Variants in ECE2 observed in about 807,000 individuals in gnomAD.
The protein encoded by ECE2 is endothelin-converting enzyme 2.
Under a neutral mutation model 100.6 loss-of-function variants are expected in ECE2, and 81 were observed. The ratio of observed to expected loss-of-function variants is 0.81; its 90% CI spans 0.67 to 0.97. The LOEUF is 0.97. Among genes scored for constraint, ECE2 ranks in the 50% least tolerant of loss-of-function variants. ECE2 has a pLI of 0.00. For missense variants in ECE2, 911 were observed against 988.1 expected, an observed-to-expected ratio of 0.92 and a Z score of 1.05; for synonymous variants, 391 against 391.5, an observed-to-expected ratio of 1.00 and a Z score of 0.02.
At position 184,291,078 on chromosome 3, in the gene ECE2, T is replaced by C; in HGVS notation, c.1873T>C (p.Trp625Arg). The change falls in exon 17 of 19, where the codon TGG becomes CGG. Residue 625 changes from tryptophan to arginine, a missense_variant. Physicochemically the swap from Trp to Arg is moderately radical, Grantham distance 101 (BLOSUM62 -3). Transcript: ENST00000404464. This position sits in a 1 kb window ranked among gnomAD's most constrained non-coding sequence, Gnocchi z 4.1. Reference sequence around the variant, plus strand: ...CAAAGAAGGGAACCTGCGGCCCTGGTGGCAGAATGAGTCCCTGGCAGCCTT... The same window carrying C: ...CAAAGAAGGGAACCTGCGGCCCTGGCGGCAGAATGAGTCCCTGGCAGCCTT... ...YDKEGNLRPW[W>R]QNESLAAFRN... is the part of the protein sequence containing the mutation. The C allele has an allele frequency of 6.3e-7, 1 of 1,587,202 alleles. No homozygotes were observed. Among genetic ancestry groups the C allele is most frequent in the African/African-American group, 1.3e-5 (1 of 74,244 alleles).
chr3:184,292,097 C>T lies in ECE2; in HGVS notation c.2157C>T (p.His719=), dbSNP rs374777779. The T allele has an allele frequency of 4.3e-6, 7 of 1,613,876 alleles. No homozygotes were observed. The highest frequency in any genetic ancestry group is 1.6e-4 in the Middle Eastern group (1 of 6,084). Residue 719 remains histidine (H), a synonymous_variant, in exon 19 of 19, where the codon CAC becomes CAT. Transcript: ENST00000404464. ...WCSVRTPESS[H]EGLVTDPHSP... is the part of the protein sequence containing the mutation. The stretch of plus-strand genomic sequence containing the variant: ...CGGTCCGCACACCAGAGAGCTCTCA[C>T]GAGGGGCTGGTGACCGACCCCCACA...
intron 2 of ECE2, 99 bp from the exon 3 acceptor site, chr3:184,276,793 A>G: frequency 1.3e-6 from 2 of 1,575,954 alleles, no homozygotes; most frequent in Non-Finnish European, 1.7e-6. Context: ...GCCCAGAGTT[A>G]ACCCTGTGGC....
intron 10 of ECE2, 98 bp downstream of exon 10, chr3:184,285,690 G>A (rs1721010936): frequency 3.3e-6 from 3 of 897,464 alleles, no homozygotes; most frequent in Non-Finnish European, 5.4e-6. Context: ...GTGCACAGGT[G>A]CATAGTATGG....
At chr3:184,284,061 C>T in intron 8 of ECE2, 88 bp downstream of exon 8, 1 of 1,482,158 alleles carries the variant, frequency 6.7e-7, no homozygotes, top group Admixed American at 1.9e-5. Context: ...CTCCCCAAGG[C>T]AGCCAGTCCT....
At position 184,289,801 on chromosome 3, in the gene ECE2, C is replaced by G; in HGVS notation, c.1551+83C>G. The G allele has an allele frequency of 1.6e-6, 2 of 1,266,228 alleles. No homozygotes were observed. The highest frequency in any genetic ancestry group is 2.2e-6 in the Non-Finnish European group (2 of 913,004). The allele number at this position is 1,266,228 out of a possible 1,614,324, so 78.4% of individuals were successfully genotyped here. A position where few individuals can be genotyped will look rare whatever the true frequency, so the allele number is the denominator to read the frequency against. On this transcript the variant is annotated intron_variant, in intron 13 of 18. Transcript: ENST00000404464. The surrounding 1 kb of genome is among the most constrained non-coding windows in gnomAD (Gnocchi z 4.1). Reference sequence around the variant, plus strand: ...GGGCTTAGAAATTGGGGCTCAAGCACTGGGAAAGAGGTGCTTGTCGGTTTC... The same window carrying G: ...GGGCTTAGAAATTGGGGCTCAAGCAGTGGGAAAGAGGTGCTTGTCGGTTTC...
rs780921573 is a variant in ECE2, at chr3:184,278,058, A to G, written c.603+9A>G. 8 of 1,613,982 alleles carry G rather than the reference A, an allele frequency of 5.0e-6. No homozygotes were observed. The highest frequency in any genetic ancestry group is 6.8e-6 in the Non-Finnish European group (8 of 1,179,988). On this transcript the variant is annotated intron_variant, in intron 5 of 18. Transcript: ENST00000404464. ...GAGACCTCATTGAGAAGGTAGGGCCACTGAGCCGGTTGAGGGCAGGGGAGC... is the reference window on the plus strand; with the variant it reads ...GAGACCTCATTGAGAAGGTAGGGCCGCTGAGCCGGTTGAGGGCAGGGGAGC...
chr3:184,287,449 T>C (rs1001962919), intron 10 of ECE2, among the ~76,000 whole-genome samples: 1 of 152,080 alleles, frequency 6.6e-6, no homozygotes, highest in Admixed American at 6.5e-5. Flanking sequence ...CCCAGCACTT[T>C]GGGAGGCCAA....
At chr3:184,278,132 C>G (rs943698665) in intron 5 of ECE2, 35 bp from the exon 6 acceptor site, 2 of 1,613,524 alleles carry the variant, frequency 1.2e-6, no homozygotes, top group African/African-American at 2.7e-5. Context: ...TTGGGAGCTC[C>G]TGCACTAATC....
intron 10 of ECE2, among the ~76,000 whole-genome samples, chr3:184,287,602 G>A (rs557746440): frequency 6.6e-6 from 1 of 152,258 alleles, no homozygotes; most frequent in Admixed American, 6.5e-5. Context: ...GGCTGAGGTG[G>A]GAGGATCGCT....
intron 7 of ECE2, among the ~76,000 whole-genome samples, chr3:184,280,172 AG>A (rs1452643337): frequency 6.6e-6 from 1 of 152,216 alleles, no homozygotes; most frequent in East Asian, 1.9e-4. Context: ...AGGAAGAACC[AG>A]CTTAGGGTAC....
At chr3:184,284,820 G>C in intron 8 of ECE2, 143 bp from the exon 9 acceptor site, 1 of 1,090,042 alleles carries the variant, frequency 9.2e-7, no homozygotes, top group African/African-American at 1.6e-5. Context: ...CCTGGAAAAG[G>C]GTATATTACA....
chr3:184,290,668 G>T lies in ECE2; in HGVS notation c.1766+1G>T, dbSNP rs146755952. 16 of 1,613,852 alleles carry T rather than the reference G, an allele frequency of 9.9e-6. No individual in the cohort carries two copies. The highest frequency in any genetic ancestry group is 1.3e-5 in the African/African-American group (1 of 74,938). On this transcript the variant is annotated splice_donor_variant, in intron 15 of 18. Coordinates refer to ENST00000404464, the MANE Select transcript of ECE2 (RefSeq NM_001100121.2). LOFTEE classifies it high-confidence loss of function. The stretch of plus-strand genomic sequence containing the variant: ...CCTTCTATGCCCGCAACCACCCCAA[G>T]TGTGTCTGAAGCAGGAGGGGCTGGG...
At chr3:184,288,902 A>G (rs1295405674) in intron 11 of ECE2, among the ~76,000 whole-genome samples, 1 of 152,196 alleles carries the variant, frequency 6.6e-6, no homozygotes, top group Non-Finnish European at 1.5e-5. Context: ...CACGCTTGTA[A>G]TCCCAGCACT....
In ECE2 at chr3:184,292,361, C is replaced by T; in HGVS notation, c.*123C>T. The T allele has an allele frequency of 8.8e-7, 1 of 1,139,054 alleles. No individual in the cohort carries two copies. The highest frequency in any genetic ancestry group is 2.3e-5 in the Admixed American group (1 of 44,226). 70.6% of individuals were successfully genotyped at this position (1,139,054 alleles called of 1,614,324 possible). A position where few individuals can be genotyped will look rare whatever the true frequency, so the allele number is the denominator to read the frequency against. On this transcript the variant is annotated 3_prime_UTR_variant, in exon 19 of 19. Transcript: ENST00000404464. Reference sequence around the variant, plus strand: ...CTGGGCTGGGTCTAGTCCCTCCCCCCCACAGGTGACATGAGTACAGACCCT... The same window carrying T: ...CTGGGCTGGGTCTAGTCCCTCCCCCTCACAGGTGACATGAGTACAGACCCT...
In ECE2 at chr3:184,291,154, A is replaced by G; in HGVS notation, c.1949A>G (p.Asn650Ser). The change falls in exon 17 of 19, where the codon AAT becomes AGT. Residue 650 changes from asparagine (N) to serine (S), a missense_variant. Physicochemically the swap from Asn to Ser is conservative, Grantham distance 46. Transcript: ENST00000404464. The surrounding 1 kb of genome is among the most constrained non-coding windows in gnomAD (Gnocchi z 4.1). ...MEEQYNQYQV[N>S]GERLNGRQTL... Reference sequence around the variant, plus strand: ...GAACAGTACAATCAATACCAGGTCAATGGGGAGAGGCTCAACGGCCGCCAG... The same window carrying G: ...GAACAGTACAATCAATACCAGGTCAGTGGGGAGAGGCTCAACGGCCGCCAG... 6.2e-7 allele frequency: 1 copy of G among 1,613,936 alleles called. No homozygotes were observed. Among genetic ancestry groups the G allele is most frequent in the African/African-American group, 1.3e-5 (1 of 75,048 alleles).
chr3:184,287,805 C>T (rs1721122817), intron 10 of ECE2, 32 bp from the exon 11 acceptor site: 1 of 1,586,702 alleles, frequency 6.3e-7, no homozygotes, highest in Non-Finnish European at 8.7e-7. Context: ...ACACAGCCAT[C>T]TCTAGGGTCC....
intron 10 of ECE2, among the ~76,000 whole-genome samples, chr3:184,287,587 C>T (rs1007864215): frequency 6.6e-6 from 1 of 152,018 alleles, no homozygotes; most frequent in Non-Finnish European, 1.5e-5. Context: ...CCCAGCTATT[C>T]GAGAGGCTGA....
intron 11 of ECE2, 64 bp downstream of exon 11, chr3:184,288,011 A>G (rs1368365007): frequency 1.3e-6 from 2 of 1,505,782 alleles, no homozygotes; most frequent in South Asian, 1.1e-5. Context: ...ATGTGCAGAC[A>G]TATAGAAAAA....
chr3:184,276,330 G>C, intron 1 of ECE2, 138 bp downstream of exon 1: 3 of 1,383,700 alleles, frequency 2.2e-6, no homozygotes, highest in Non-Finnish European at 2.9e-6. Flanking sequence ...GGGTGATAGA[G>C]AGACCCCGGG....
Sources: allele counts gnomAD v4.1 joint callset (sites outside exome capture counted in the v4.1 genomes callset), GRCh38; gene constraint gnomAD v4.1.1; non-coding constraint Gnocchi (gnomAD v3.1); transcripts MANE v1.5; gene names NCBI Gene and HGNC (gene_info 2026-07-23, HGNC 2026-07-21).